UBQLN1: variants seen among roughly 807,000 people sequenced by gnomAD.
UBQLN1 encodes ubiquilin 1.
Under a neutral mutation model 65.4 loss-of-function variants are expected in UBQLN1, and 13 were observed. The observed-to-expected ratio is 0.20, with a 90% confidence interval of 0.13 to 0.32. The LOEUF (loss-of-function observed/expected upper bound fraction) is 0.32, where lower values mean the gene tolerates loss of function less well. UBQLN1 is among the 10% of genes least tolerant of loss of function. UBQLN1 has a pLI of 1.00. For missense variants in UBQLN1, 561 were observed against 724.0 expected, an observed-to-expected ratio of 0.77 and a Z score of 2.58; for synonymous variants, 267 against 247.8, an observed-to-expected ratio of 1.08 and a Z score of -0.73.
chr9:83,690,689 G>A (rs1244377873), intron 1 of UBQLN1, among the ~76,000 whole-genome samples: 4 of 151,608 alleles, frequency 2.6e-5, no homozygotes, highest in Non-Finnish European at 2.9e-5. Flanking sequence ...AGCTACGATC[G>A]TGCCACTGCA....
intron 6 of UBQLN1, among the ~76,000 whole-genome samples, chr9:83,676,251 T>C (rs2131155849): frequency 6.6e-6 from 1 of 152,388 alleles, no homozygotes; most frequent in African/African-American, 2.4e-5. Flanking sequence ...TCATTCTTGC[T>C]AGTTCTTGTT....
chr9:83,707,509 G>A lies in UBQLN1; in HGVS notation c.171C>T (p.Ser57=). The A allele has an allele frequency of 6.2e-7, 1 of 1,608,668 alleles. No individual in the cohort carries two copies. Among genetic ancestry groups the A allele is most frequent in the Non-Finnish European group, 8.5e-7 (1 of 1,177,846 alleles). Residue 57 remains serine, a synonymous_variant, in exon 1 of 11, where the codon TCC becomes TCT. Coordinates refer to ENST00000376395, the MANE Select transcript of UBQLN1 (RefSeq NM_013438.5). ...CCCCAGGCGGCCTCACCTGCTGGAC[G>A]GAGCTATTCTCGGGCACGGCGAATT... ...KEEFAVPENS[S]VQQFKEEISK... is the part of the protein sequence containing the mutation.
intron 2 of UBQLN1, among the ~76,000 whole-genome samples, chr9:83,685,302 G>A (rs1179211094): frequency 6.6e-6 from 1 of 152,112 alleles, no homozygotes; most frequent in African/African-American, 2.4e-5. Context: ...ACTCTTGACA[G>A]AACAGAGTTT....
intron 1 of UBQLN1, among the ~76,000 whole-genome samples, chr9:83,702,095 A>G (rs948273880): frequency 2.0e-5 from 3 of 152,216 alleles, no homozygotes; most frequent in African/African-American, 7.2e-5. Flanking sequence ...ACAAACGCCC[A>G]GAACAAGCAA....
intron 7 of UBQLN1, chr9:83,668,313 A>G (rs1343317646): frequency 1.6e-5 from 16 of 985,108 alleles, no homozygotes; most frequent in South Asian, 4.7e-5. Flanking sequence ...TTTGACTTAA[A>G]GCTTTTAAAA....
chr9:83,669,196 G>A lies in UBQLN1; in HGVS notation c.1237C>T (p.Leu413Phe), dbSNP rs756716078. 2.5e-6 allele frequency: 4 copies of A among 1,609,752 alleles called. No homozygotes were observed. The African/African-American group carries it at 5.4e-5, about 22-fold the overall frequency. The change falls in exon 7 of 11, where the codon CTT becomes TTT. Residue 413 changes from leucine to phenylalanine, a missense_variant. This residue lies in a region of UBQLN1 where 102 missense variants were observed against 150.7 expected (regional missense o/e 0.68). Transcript: ENST00000376395. The part of the protein sequence containing the change: ...MMQSLSQNPD[L>F]AAQMMLNNPL... ...AATTACAAACTCACCTGTGCAGCAAGGTCAGGATTCTGGCTTAGTGACTGC... is the reference window on the plus strand; with the variant it reads ...AATTACAAACTCACCTGTGCAGCAAAGTCAGGATTCTGGCTTAGTGACTGC...
chr9:83,667,634 G>C, intron 7 of UBQLN1: 1 of 985,206 alleles, frequency 1.0e-6, no homozygotes, highest in Non-Finnish European at 1.2e-6. Context: ...ACATATTAAC[G>C]AGGTTATCAC....
chr9:83,707,804 T>A lies in UBQLN1; in HGVS notation c.-125A>T. 7.4e-7 allele frequency: 1 copy of A among 1,342,808 alleles called. No individual in the cohort carries two copies. The highest frequency in any genetic ancestry group is 9.7e-7 in the Non-Finnish European group (1 of 1,032,940). The allele number at this position is 1,342,808 out of a possible 1,614,324, so 83.2% of individuals were successfully genotyped here. A position where few individuals can be genotyped will look rare whatever the true frequency, so the allele number is the denominator to read the frequency against. On this transcript the variant is annotated 5_prime_UTR_variant, in exon 1 of 11. Transcript: ENST00000376395. ...AAGAATGCAGAGCACGCCGCCTCAG[T>A]AGCAACGGGCGCAGGGCCACCGTAG...
chr9:83,690,684 C>T (rs1428625717), intron 1 of UBQLN1, among the ~76,000 whole-genome samples: 2 of 151,654 alleles, frequency 1.3e-5, no homozygotes, highest in Admixed American at 1.3e-4. Flanking sequence ...CAGTGAGCTA[C>T]GATCGTGCCA....
At chr9:83,662,929 A>G (rs1319388197) in intron 10 of UBQLN1, among the ~76,000 whole-genome samples, 1 of 152,182 alleles carries the variant, frequency 6.6e-6, no homozygotes, top group Admixed American at 6.5e-5. Context: ...TACAAAAATT[A>G]GCCAGGTGTG....
chr9:83,696,899 T>C (rs1032396983), intron 1 of UBQLN1, among the ~76,000 whole-genome samples: 1 of 152,152 alleles, frequency 6.6e-6, no homozygotes, highest in African/African-American at 2.4e-5. Context: ...TGATCTGACA[T>C]AGACTGATGA....
chr9:83,685,944 C>A, intron 2 of UBQLN1, 60 bp downstream of exon 2: 1 of 1,455,818 alleles, frequency 6.9e-7, no homozygotes. Flanking sequence ...ACACTAGTTA[C>A]TTTTAGAAGT....
intron 3 of UBQLN1, 99 bp downstream of exon 3, chr9:83,682,852 A>G: frequency 1.8e-6 from 1 of 541,692 alleles, no homozygotes; most frequent in Non-Finnish European, 3.2e-6. Context: ...TTGTTGTTAA[A>G]GTGACATAAT....
rs946640667 is a variant in UBQLN1, at chr9:83,661,463, AC to A, written c.*323del. On this transcript the variant is annotated 3_prime_UTR_variant, in exon 11 of 11. Transcript: ENST00000376395. ...ATGCTTTTATTCTACATAAATTACT[AC>A]CATAGGCTAATGTTTAAAAAGCAAA... 3.9e-5 allele frequency: 8 copies of A among 203,098 alleles called. No individual in the cohort carries two copies. The highest frequency in any genetic ancestry group is 8.0e-5 in the Non-Finnish European group (8 of 99,804). The allele number at this position is 203,098 out of a possible 1,614,324, so 12.6% of individuals were successfully genotyped here.
intron 1 of UBQLN1, among the ~76,000 whole-genome samples, chr9:83,695,201 CTTTT>C (rs36072668): frequency 7.5e-6 from 1 of 133,456 alleles, no homozygotes; most frequent in South Asian, 2.3e-4. Context: ...GCCCTCCCAC[CTTTT>C]TTTTTTTTTT....
intron 6 of UBQLN1, among the ~76,000 whole-genome samples, chr9:83,672,598 A>C (rs1243352479): frequency 5.9e-5 from 9 of 152,208 alleles, no homozygotes; most frequent in Non-Finnish European, 1.2e-4. Context: ...GCCAGGTACA[A>C]GGTGGTTCCT....
intron 1 of UBQLN1, among the ~76,000 whole-genome samples, chr9:83,701,209 A>T (rs1447087835): frequency 1.3e-5 from 2 of 152,134 alleles, no homozygotes; most frequent in Non-Finnish European, 2.9e-5. Context: ...AAATTCATTT[A>T]AAAATAATAC....
At chr9:83,706,367 A>AT (rs1332721457) in intron 1 of UBQLN1, among the ~76,000 whole-genome samples, 1 of 152,162 alleles carries the variant, frequency 6.6e-6, no homozygotes, top group Non-Finnish European at 1.5e-5. Flanking sequence ...GGTAAGGAAA[A>AT]TTTTTACAAG....
intron 6 of UBQLN1, among the ~76,000 whole-genome samples, chr9:83,675,821 C>T (rs2542803): frequency 0.7 from 106,962 of 152,040 alleles, 38,487 homozygotes; most frequent in East Asian, 0.88. Flanking sequence ...CTTTGCAATT[C>T]TGGTAAACAG....
Sources: gnomAD v4.1 joint callset for allele counts (sites outside exome capture counted in the v4.1 genomes callset) on GRCh38, gnomAD v4.1.1 for gene constraint, gnomAD v4.1.1 regional missense constraint, MANE v1.5 for transcripts, NCBI Gene and HGNC (gene_info 2026-07-23, HGNC 2026-07-21) for gene names.